The following NCR1 variants were observed in gnomAD, a reference collection of about 807,000 sequenced individuals.
NCR1 encodes the protein NK cell-activating receptor.
NCR1 carries 30 observed loss-of-function variants against 32.5 expected under a neutral mutation model. The observed-to-expected ratio is 0.92, with a 90% CI of 0.69 to 1.25. The LOEUF is 1.25. Ranked by LOEUF, NCR1 falls within the 50% of genes most tolerant of loss-of-function variation. NCR1 has a pLI of 0.00. For missense variants in NCR1, 369 were observed against 380.7 expected, an observed-to-expected ratio of 0.97 and a Z score of 0.26; for synonymous variants, 169 against 143.4, an observed-to-expected ratio of 1.18 and a Z score of -1.28.
chr19:54,905,718 C>T (rs587659169), upstream of NCR1, among the ~76,000 whole-genome samples: 13 of 152,282 alleles, frequency 8.5e-5, no homozygotes, highest in South Asian at 4.2e-4. Flanking sequence ...ACCTCTTTCT[C>T]TTCCTCGGGG....
chr19:54,907,412 A>C (rs1341216186), intron 3 of NCR1, among the ~76,000 whole-genome samples: 1 of 149,186 alleles, frequency 6.7e-6, no homozygotes, highest in Non-Finnish European at 1.5e-5. Flanking sequence ...CACCCTCCCA[A>C]AGTGCTGGGA....
the NCR1 span, chr19:54,936,408 G>A: frequency 6.2e-7 from 1 of 1,614,122 alleles, no homozygotes; most frequent in Non-Finnish European, 8.5e-7. Context: ...CCGGTACGCG[G>A]TGTCAGGGGT....
the NCR1 span, among the ~76,000 whole-genome samples, chr19:54,929,857 G>A: frequency 6.6e-6 from 1 of 152,072 alleles, no homozygotes; most frequent in African/African-American, 2.4e-5. Context: ...GCTCACGCCT[G>A]TAATCCCAGC....
the NCR1 span, chr19:54,938,081 G>A: frequency 6.2e-7 from 1 of 1,614,018 alleles, no homozygotes; most frequent in East Asian, 2.2e-5. Context: ...CGGGTTACGT[G>A]GTCACAAAGA....
At chr19:54,910,223 G>A (rs1380683029) in intron 5 of NCR1, among the ~76,000 whole-genome samples, 158 bp downstream of exon 5, 1 of 151,960 alleles carries the variant, frequency 6.6e-6, no homozygotes, top group Non-Finnish European at 1.5e-5. Flanking sequence ...ATCATTTGAG[G>A]TCAGGAGTTT....
chr19:54,901,596 G>A (rs142513571), upstream of NCR1, among the ~76,000 whole-genome samples: 855 of 152,194 alleles, frequency 5.6e-3, 9 homozygotes, highest in African/African-American at 0.02. Context: ...TGAGGCAGGC[G>A]GATCACTGGA....
intron 3 of NCR1, among the ~76,000 whole-genome samples, chr19:54,907,709 G>T (rs2067707098): frequency 6.6e-6 from 1 of 151,820 alleles, no homozygotes; most frequent in Non-Finnish European, 1.5e-5. Flanking sequence ...CATATATGTG[G>T]TACATTGTTG....
At position 54,910,074 on chromosome 19, in the gene NCR1, C is replaced by T. The variant is rs781564313; in HGVS notation, c.682+9C>T. On this transcript the variant is annotated intron_variant, in intron 5 of 6. Coordinates refer to ENST00000291890, the MANE Select transcript of NCR1 (RefSeq NM_004829.7). The stretch of plus-strand genomic sequence containing the variant: ...AGACCCCACCTTTCCTGGTGAGTAA[C>T]TGGTCCTTCTAAGCTCAGACGAGCG... 5.0e-6 allele frequency: 8 copies of T among 1,613,134 alleles called. No individual in the cohort carries two copies. The highest frequency in any genetic ancestry group is 5.9e-6 in the Non-Finnish European group (7 of 1,179,432).
At chr19:54,936,279 C>T in the NCR1 span, 2 of 1,613,538 alleles carry the variant, frequency 1.2e-6, no homozygotes, top group Admixed American at 1.7e-5. Flanking sequence ...CTGCAGGTTG[C>T]ATTTATGATT....
chr19:54,914,920 T>C, downstream of NCR1, among the ~76,000 whole-genome samples: 1 of 151,982 alleles, frequency 6.6e-6, no homozygotes, highest in African/African-American at 2.4e-5. Flanking sequence ...TTTTTGCATC[T>C]TTAGTAGAGG....
chr19:54,908,243 G>A (rs587722292), intron 3 of NCR1, among the ~76,000 whole-genome samples: 352 of 152,184 alleles, frequency 2.3e-3, no homozygotes, highest in Middle Eastern at 6.8e-3. Flanking sequence ...ATCTTGCACC[G>A]CCCTTAATCC....
chr19:54,901,875 A>C (rs112866339), upstream of NCR1, among the ~76,000 whole-genome samples: 2 of 152,176 alleles, frequency 1.3e-5, no homozygotes, highest in Non-Finnish European at 2.9e-5. Context: ...AGCTGAGGCA[A>C]GAGAATTGCT....
At chr19:54,919,342 G>A (rs978160521), downstream of NCR1, among the ~76,000 whole-genome samples, 1 of 152,242 alleles carries the variant, frequency 6.6e-6, no homozygotes, top group Non-Finnish European at 1.5e-5. Flanking sequence ...AAGGGGCAGG[G>A]TAAAGAGTGT....
At chr19:54,934,354 A>T in the NCR1 span, 32 of 887,806 alleles carry the variant, frequency 3.6e-5, no homozygotes, top group Middle Eastern at 4.9e-4. The surrounding 1 kb of genome is among the most constrained non-coding windows in gnomAD (Gnocchi z 6.7). Context: ...GGCAGGAGCC[A>T]CCGTGCCGGG....
chr19:54,903,414 GCA>G (rs2067354758), upstream of NCR1, among the ~76,000 whole-genome samples: 1 of 123,018 alleles, frequency 8.1e-6, no homozygotes, highest in African/African-American at 3.0e-5. Context: ...ATGTATACAC[GCA>G]TACATGTATG....
Position 54,912,223 on chromosome 19 carries a change from G to A in NCR1, c.733+5G>A, listed in dbSNP as rs1464641197. 1 of 1,613,652 alleles carries A rather than the reference G, an allele frequency of 6.2e-7. No homozygotes were observed. ...CAGAGACGGGACTCCAGAAAGGTAA[G>A]TAGACAGCTGGGGCCATAGGCTCTG... is the stretch of plus-strand genomic sequence containing the variant. On this transcript the variant is annotated splice_donor_5th_base_variant and intron_variant, in intron 6 of 6. Transcript: ENST00000291890.
chr19:54,930,559 C>T, the NCR1 span: 223 of 1,612,256 alleles, frequency 1.4e-4, 1 homozygote, highest in Non-Finnish European at 1.7e-4. Context: ...CCACAATCCA[C>T]GAGCTATCTG....
upstream of NCR1, among the ~76,000 whole-genome samples, chr19:54,901,657 T>C (rs1470254314): frequency 6.6e-6 from 1 of 152,016 alleles, no homozygotes; most frequent in Non-Finnish European, 1.5e-5. Context: ...GAAATCAGAA[T>C]AAAGTCTATA....
the NCR1 span, chr19:54,936,293 G>A: frequency 1.2e-6 from 2 of 1,613,852 alleles, no homozygotes; most frequent in South Asian, 1.1e-5. Context: ...TATGATTTCT[G>A]AGCAGGTCAC....
Sources: allele counts gnomAD v4.1 joint callset (sites outside exome capture counted in the v4.1 genomes callset), GRCh38; gene constraint gnomAD v4.1.1; non-coding constraint Gnocchi (gnomAD v3.1); transcripts MANE v1.5; gene names NCBI Gene and HGNC (gene_info 2026-07-23, HGNC 2026-07-21).